Variants in CHAF1A observed in about 807,000 individuals in gnomAD.
CHAF1A encodes chromatin assembly factor 1 subunit A, also known as CAF-1 subunit A.
In CHAF1A, 5 loss-of-function variants were observed where a neutral mutation model predicts 93.2. The ratio of observed to expected loss-of-function variants is 0.05; its 90% CI spans 0.03 to 0.11. CHAF1A has a LOEUF of 0.11. Ranked by LOEUF, CHAF1A falls within the 10% of genes least tolerant of loss-of-function variation. The pLI is 1.00. For synonymous variants in CHAF1A, 504 were observed against 510.3 expected (o/e 0.99, Z 0.17); for missense variants, 1,102 against 1,259.9 (o/e 0.87, Z 1.90).
At chr19:4,417,991 G>T (rs1367147067) in intron 3 of CHAF1A, 29 bp from the exon 4 acceptor site, 1 of 1,534,418 alleles carries the variant, frequency 6.5e-7, no homozygotes, top group Non-Finnish European at 8.9e-7. Context: ...AATAACCCGT[G>T]TTTAAAGATA....
chr19:4,417,683 A>T (rs904938984), intron 3 of CHAF1A, among the ~76,000 whole-genome samples: 1 of 151,764 alleles, frequency 6.6e-6, no homozygotes, highest in East Asian at 1.9e-4. Flanking sequence ...CTGGTCTCGA[A>T]CTCCTGACCT....
intron 4 of CHAF1A, among the ~76,000 whole-genome samples, chr19:4,421,462 G>A (rs1164053476): frequency 6.6e-6 from 1 of 152,142 alleles, no homozygotes; most frequent in Non-Finnish European, 1.5e-5. Context: ...CATGATGGAA[G>A]GAAGCATAAT....
At chr19:4,441,962 T>C (rs1384872702) in intron 13 of CHAF1A, among the ~76,000 whole-genome samples, 1 of 152,244 alleles carries the variant, frequency 6.6e-6, no homozygotes. Flanking sequence ...GTATGCGGCC[T>C]GTCACTGACT....
chr19:4,404,523 T>TAA (rs1973645555), intron 1 of CHAF1A, among the ~76,000 whole-genome samples: 1 of 152,210 alleles, frequency 6.6e-6, no homozygotes, highest in African/African-American at 2.4e-5. Flanking sequence ...ATACTGTCTT[T>TAA]ATTTCTTTGA....
chr19:4,420,486 G>T (rs556486021), intron 4 of CHAF1A, among the ~76,000 whole-genome samples: 8 of 151,994 alleles, frequency 5.3e-5, no homozygotes, highest in African/African-American at 1.5e-4. Flanking sequence ...CAAGTAATCC[G>T]CCTGCCTCGG....
At chr19:4,411,758 C>T (rs1365372140) in intron 3 of CHAF1A, among the ~76,000 whole-genome samples, 1 of 148,562 alleles carries the variant, frequency 6.7e-6, no homozygotes, top group African/African-American at 2.5e-5. Context: ...AGCGATTTTC[C>T]TGCGTCAGCC....
intron 4 of CHAF1A, among the ~76,000 whole-genome samples, chr19:4,418,733 T>C (rs984582428): frequency 1.3e-5 from 2 of 152,160 alleles, no homozygotes; most frequent in African/African-American, 4.8e-5. Context: ...GTCTTTCACT[T>C]ATTGCTAAGT....
At chr19:4,442,383 G>T (rs1293166649) in intron 14 of CHAF1A, 42 bp downstream of exon 14, 1 of 1,478,056 alleles carries the variant, frequency 6.8e-7, no homozygotes, top group Admixed American at 2.0e-5. Context: ...GGTGAGGTGG[G>T]CGCTGGAGGT....
At position 4,430,247 on chromosome 19, in the gene CHAF1A, G is replaced by A. The variant is rs530753865; in HGVS notation, c.1855-302G>A. ...GGCTGGAGTGCAGTGGCGCGATTTC[G>A]GCTCACTGCAACCTCTGCCTCCCAG... On this transcript the variant is annotated intron_variant, in intron 10 of 14. Transcript: ENST00000301280. 9 of 359,426 alleles carry A rather than the reference G, an allele frequency of 2.5e-5. No homozygotes were observed. The East Asian group carries it at 2.7e-4, about 11-fold the overall frequency. 22.3% of individuals were successfully genotyped at this position (359,426 alleles called of 1,614,324 possible). A position where few individuals can be genotyped will look rare whatever the true frequency, so the allele number is the denominator to read the frequency against.
intron 3 of CHAF1A, among the ~76,000 whole-genome samples, chr19:4,414,020 G>C (rs1973855418): frequency 6.6e-6 from 1 of 152,184 alleles, no homozygotes; most frequent in Non-Finnish European, 1.5e-5. Context: ...TGTGTTACTG[G>C]AATCTTTGGC....
chr19:4,403,604 G>A lies in CHAF1A; in HGVS notation c.52+790G>A, dbSNP rs1334077559. On this transcript the variant is annotated intron_variant, in intron 1 of 14. Coordinates refer to ENST00000301280, the MANE Select transcript of CHAF1A (RefSeq NM_005483.3). ...GTGTTGATATTTGTTGCCGTCCTGGGCACGGCACTGCAGGGTGTTAAGCAT... is the reference window on the plus strand; with the variant it reads ...GTGTTGATATTTGTTGCCGTCCTGGACACGGCACTGCAGGGTGTTAAGCAT... 3.3e-5 allele frequency among the ~76,000 whole-genome samples: 5 copies of A among 152,364 alleles called. No individual in the cohort carries two copies. In the East Asian group the frequency reaches 9.6e-4, roughly 29 times the overall value.
downstream of CHAF1A, chr19:4,446,301 C>A: frequency 1.3e-6 from 2 of 1,571,144 alleles, no homozygotes; most frequent in Non-Finnish European, 1.7e-6. Context: ...AGGCAGCCAT[C>A]GGGGAGGCGC....
chr19:4,427,520 C>G (rs576370942), intron 7 of CHAF1A, among the ~76,000 whole-genome samples: 67 of 149,452 alleles, frequency 4.5e-4, no homozygotes, highest in African/African-American at 1.6e-3. Flanking sequence ...CCAAACGATT[C>G]TCCCGCCTCA....
At chr19:4,446,016 G>A (rs539487043), downstream of CHAF1A, 81 of 1,576,652 alleles carry the variant, frequency 5.1e-5, 1 homozygote, top group East Asian at 1.4e-4. Flanking sequence ...CAGAGGCATC[G>A]GGTCAGCGGT....
rs759526977 is a variant in CHAF1A at position 4,423,858 on chromosome 19, C to T, written c.1361C>T (p.Thr454Ile). 31 of 1,613,948 alleles carry T rather than the reference C, an allele frequency of 1.9e-5. No individual in the cohort carries two copies. Among genetic ancestry groups the T allele is most frequent in the Non-Finnish European group, 2.6e-5 (31 of 1,179,952 alleles). ...EITRFFQKPKTPQAPKTLAGS... is the reference protein window; with the variant it reads ...EITRFFQKPKIPQAPKTLAGS... ...ACGAGGTTCTTCCAGAAACCAAAGA[C>T]TCCACAGGCCCCCAAGGTGAGCAGC... The change falls in exon 7 of 15, where the codon ACT becomes ATT. Residue 454 changes from threonine (T) to isoleucine (I), a missense_variant. Around this residue, in one of 6 missense-constraint regions of CHAF1A, gnomAD observed 165 missense variants for 243.9 expected, o/e 0.68. Coordinates refer to ENST00000301280, the MANE Select transcript of CHAF1A (RefSeq NM_005483.3).
At position 4,402,673 on chromosome 19, in the gene CHAF1A, C is replaced by T. The variant is rs1973602807; in HGVS notation, c.-90C>T. On this transcript the variant is annotated 5_prime_UTR_variant, in exon 1 of 15. Transcript: ENST00000301280. ...AGCGCGGCGGCCGCGGCGGCAGCAGCGGCGCGGGCGGGAGGGCGAAGAGCA... is the reference window on the plus strand; with the variant it reads ...AGCGCGGCGGCCGCGGCGGCAGCAGTGGCGCGGGCGGGAGGGCGAAGAGCA... 4.6e-6 allele frequency: 4 copies of T among 871,600 alleles called. No individual in the cohort carries two copies. Among genetic ancestry groups the T allele is most frequent in the Non-Finnish European group, 5.9e-6 (4 of 674,242 alleles). 54.0% of individuals were successfully genotyped at this position (871,600 alleles called of 1,614,324 possible).
rs774378940 is a variant in CHAF1A, at chr19:4,442,295, AGAG to A, written c.2732_2734del (p.Glu911del). ...TCCAGGCAGACACGGAGGAGGAGGA[AGAG>A]GAGGAGGGCGACTGTATGATCGTGG... On this transcript the variant is annotated inframe_deletion, in exon 14 of 15. Coordinates refer to ENST00000301280, the MANE Select transcript of CHAF1A (RefSeq NM_005483.3). The A allele has an allele frequency of 3.1e-6, 5 of 1,613,016 alleles. No individual in the cohort carries two copies. The highest frequency in any genetic ancestry group is 2.2e-5 in the South Asian group (2 of 90,822).
intron 5 of CHAF1A, among the ~76,000 whole-genome samples, chr19:4,423,103 G>C (rs1021409768): frequency 6.6e-6 from 1 of 152,164 alleles, no homozygotes; most frequent in Non-Finnish European, 1.5e-5. Flanking sequence ...TGCTAATTGT[G>C]CTCTGACTGG....
intron 2 of CHAF1A, among the ~76,000 whole-genome samples, chr19:4,407,476 C>T (rs1973702494): frequency 6.6e-6 from 1 of 151,776 alleles, no homozygotes; most frequent in Non-Finnish European, 1.5e-5. Context: ...AAAAAAAAAC[C>T]CTGTCCACAA....
Sources: gnomAD v4.1 joint callset for allele counts (sites outside exome capture counted in the v4.1 genomes callset) on GRCh38, gnomAD v4.1.1 for gene constraint, gnomAD v4.1.1 regional missense constraint, MANE v1.5 for transcripts, NCBI Gene and HGNC (gene_info 2026-07-23, HGNC 2026-07-21) for gene names.